The following SEMA3D variants were observed in gnomAD, a reference collection of about 807,000 sequenced individuals.
SEMA3D encodes the protein semaphorin-3D.
A neutral mutation model predicts 100.1 loss-of-function variants in SEMA3D; 84 were observed. The ratio of observed to expected loss-of-function variants is 0.84; its 90% CI spans 0.70 to 1.01. The LOEUF (loss-of-function observed/expected upper bound fraction) is 1.01, where lower values mean the gene tolerates loss of function less well. Among genes scored for constraint, SEMA3D ranks in the 50% least tolerant of loss-of-function variants. The pLI is 0.00. For synonymous variants in SEMA3D, 312 were observed against 320.7 expected, an observed-to-expected ratio of 0.97 and a Z score of 0.29; for missense variants, 875 against 934.1, an observed-to-expected ratio of 0.94 and a Z score of 0.82.
intron 2 of SEMA3D, among the ~76,000 whole-genome samples, chr7:85,149,346 A>G (rs534439344): frequency 6.6e-6 from 1 of 152,180 alleles, no homozygotes; most frequent in African/African-American, 2.4e-5. Flanking sequence ...AATCTCAGCT[A>G]CTTGGGAGGC....
At chr7:85,122,567 C>G (rs1437283796) in intron 2 of SEMA3D, among the ~76,000 whole-genome samples, 2 of 152,126 alleles carry the variant, frequency 1.3e-5, no homozygotes, top group Non-Finnish European at 2.9e-5. Flanking sequence ...CTGGTAGAAG[C>G]CTATACGTGC....
intron 2 of SEMA3D, among the ~76,000 whole-genome samples, chr7:85,147,429 C>T (rs1790248745): frequency 1.3e-5 from 2 of 152,024 alleles, no homozygotes; most frequent in African/African-American, 2.4e-5. Flanking sequence ...GGATTACAGG[C>T]TTGAGCCACC....
At chr7:85,032,604 A>T (rs73377843) in intron 12 of SEMA3D, among the ~76,000 whole-genome samples, 3,930 of 152,158 alleles carry the variant, frequency 0.026, 180 homozygotes, top group African/African-American at 0.09. Context: ...CACAAAATCA[A>T]TTGGATAGGG....
At chr7:85,166,325 G>A (rs897035978) in intron 1 of SEMA3D, among the ~76,000 whole-genome samples, 1 of 151,940 alleles carries the variant, frequency 6.6e-6, no homozygotes, top group Non-Finnish European at 1.5e-5. Flanking sequence ...ATGATAAAAT[G>A]AGAAGAAAAA....
intron 1 of SEMA3D, chr7:85,159,961 C>G (rs1000212940): frequency 2.0e-6 from 2 of 984,526 alleles, no homozygotes; most frequent in African/African-American, 1.7e-5. Flanking sequence ...GCCATAAGTT[C>G]TACGGTAACT....
the SEMA3D span, among the ~76,000 whole-genome samples, chr7:85,200,935 G>A: frequency 5.3e-5 from 8 of 152,314 alleles, no homozygotes; most frequent in African/African-American, 1.9e-4. Flanking sequence ...ATACACAGTT[G>A]TATATGGATT....
chr7:85,024,188 C>T (rs147462583), intron 12 of SEMA3D, among the ~76,000 whole-genome samples: 1 of 151,984 alleles, frequency 6.6e-6, no homozygotes, highest in Non-Finnish European at 1.5e-5. Flanking sequence ...TGATACAAAG[C>T]TCTTGTCCAA....
At position 85,022,437 on chromosome 7, in the gene SEMA3D, A is replaced by G. The variant is rs1584530179; in HGVS notation, c.1368T>C (p.His456=). Residue 456 remains histidine (H), a synonymous_variant, in exon 13 of 19, where the codon CAT becomes CAC. Transcript: ENST00000284136. ...DYRLTQIVVD[H]VIAEDGQYDV... The stretch of plus-strand genomic sequence containing the variant: ...CGTACTGGCCATCTTCTGCAATGAC[A>G]TGATCCACCACTATCTGTGTCAGTC... 1 of 1,612,498 alleles carries G rather than the reference A, an allele frequency of 6.2e-7. No individual in the cohort carries two copies. The highest frequency in any genetic ancestry group is 2.2e-5 in the East Asian group (1 of 44,800).
At chr7:85,249,859 G>A in the SEMA3D span, among the ~76,000 whole-genome samples, 9 of 152,144 alleles carry the variant, frequency 5.9e-5, no homozygotes, top group East Asian at 1.2e-3. Context: ...ATACCTGAGG[G>A]AGGAGCCAAG....
At chr7:85,233,473 A>G in the SEMA3D span, among the ~76,000 whole-genome samples, 4 of 152,196 alleles carry the variant, frequency 2.6e-5, no homozygotes, top group East Asian at 5.8e-4. Context: ...AACTGCACAT[A>G]TGTGATTAGG....
rs543690434 is a variant in SEMA3D at position 85,027,726 on chromosome 7, C to T, written c.1192-5113G>A. On this transcript the variant is annotated intron_variant, in intron 12 of 18. Transcript: ENST00000284136. ...TGCGGCTTAATGTTTGTTTTCCCAA[C>T]ATAAAAGGAATATTAAACAAGGGTC... 1.9e-5 allele frequency: 6 copies of T among 319,988 alleles called. No homozygotes were observed. In the Admixed American group the frequency reaches 2.6e-4, roughly 14 times the overall value. The allele number at this position is 319,988 out of a possible 1,614,324, so 19.8% of individuals were successfully genotyped here. A position where few individuals can be genotyped will look rare whatever the true frequency, so the allele number is the denominator to read the frequency against.
At chr7:85,061,868 C>T (rs1311275825) in intron 8 of SEMA3D, among the ~76,000 whole-genome samples, 1 of 152,170 alleles carries the variant, frequency 6.6e-6, no homozygotes. Context: ...TGCACTTTCC[C>T]TGCTTTCCCT....
chr7:85,096,261 T>C (rs1360507638), intron 4 of SEMA3D, among the ~76,000 whole-genome samples: 1 of 151,886 alleles, frequency 6.6e-6, no homozygotes, highest in Admixed American at 6.6e-5. Context: ...ATGAGTATTT[T>C]TAAAAGAAAT....
chr7:85,196,480 A>ACT, the SEMA3D span, among the ~76,000 whole-genome samples: 2 of 152,094 alleles, frequency 1.3e-5, no homozygotes, highest in African/African-American at 2.4e-5. Context: ...TAGATTAATA[A>ACT]CTCTGGTCAT....
At chr7:85,014,281 A>C (rs1330438315) in intron 16 of SEMA3D, among the ~76,000 whole-genome samples, 2 of 151,868 alleles carry the variant, frequency 1.3e-5, no homozygotes, top group African/African-American at 4.8e-5. Flanking sequence ...AATACTTTAG[A>C]AAATAATGTT....
intron 17 of SEMA3D, 30 bp from the exon 18 acceptor site, chr7:85,006,971 A>C (rs886920469): frequency 1.9e-6 from 3 of 1,580,422 alleles, no homozygotes; most frequent in Non-Finnish European, 2.6e-6. Flanking sequence ...TAAGAGATTA[A>C]CCTTGACCTG....
chr7:85,150,536 T>G (rs968766138), intron 2 of SEMA3D, among the ~76,000 whole-genome samples: 3 of 147,502 alleles, frequency 2.0e-5, no homozygotes, highest in African/African-American at 4.9e-5. Context: ...ATTATATATA[T>G]AGAATATATA....
intron 1 of SEMA3D, among the ~76,000 whole-genome samples, chr7:85,179,965 T>C (rs1326591697): frequency 1.3e-5 from 2 of 152,192 alleles, no homozygotes; most frequent in African/African-American, 2.4e-5. Context: ...CCAGCCGGAC[T>C]TGGACTTTTG....
intron 3 of SEMA3D, among the ~76,000 whole-genome samples, chr7:85,104,533 C>T (rs1356619121): frequency 2.6e-5 from 4 of 151,910 alleles, no homozygotes; most frequent in Non-Finnish European, 5.9e-5. Flanking sequence ...TCCCTTAATA[C>T]AATTGTTCAT....
Sources: allele counts gnomAD v4.1 joint callset (sites outside exome capture counted in the v4.1 genomes callset), GRCh38; gene constraint gnomAD v4.1.1; transcripts MANE v1.5; gene names NCBI Gene and HGNC (gene_info 2026-07-23, HGNC 2026-07-21).